PLCL2: variants seen among roughly 807,000 people sequenced by gnomAD.
PLCL2 encodes inactive phospholipase C-like protein 2.
PLCL2 carries 4 observed loss-of-function variants against 79.6 expected under a neutral mutation model. The ratio of observed to expected loss-of-function variants is 0.05; its 90% confidence interval spans 0.02 to 0.11. PLCL2 has a LOEUF of 0.11. PLCL2 is among the 10% of genes least tolerant of loss of function. The pLI, the probability that PLCL2 is intolerant of heterozygous loss-of-function variation, is 1.00. For synonymous variants in PLCL2, 484 were observed against 457.7 expected (o/e 1.06, Z -0.73); for missense variants, 895 against 1,291.0 (o/e 0.69, Z 4.70).
rs184656794 is a variant in PLCL2 at position 16,902,337 on chromosome 3, A to G, written c.327+16971A>G. Reference sequence around the variant, plus strand: ...AGAGTGCATTTACCTTTTTGAAGAGAAATGATCAGTTCTGATAGGGGCTGC... The same window carrying G: ...AGAGTGCATTTACCTTTTTGAAGAGGAATGATCAGTTCTGATAGGGGCTGC... On this transcript the variant is annotated intron_variant, in intron 1 of 5. Coordinates refer to ENST00000615277, the MANE Select transcript of PLCL2 (RefSeq NM_001144382.2). Among the ~76,000 whole-genome samples, 3 of 152,292 alleles carry G rather than the reference A, an allele frequency of 2.0e-5. No homozygotes were observed. In the East Asian group the frequency reaches 5.8e-4, roughly 29 times the overall value.
At chr3:17,045,719 A>C (rs2064773368) in intron 4 of PLCL2, among the ~76,000 whole-genome samples, 1 of 152,198 alleles carries the variant, frequency 6.6e-6, no homozygotes, top group African/African-American at 2.4e-5. Flanking sequence ...CCCAGTGAAG[A>C]GGAAGACATT....
chr3:16,959,555 G>A (rs746366908), intron 1 of PLCL2, among the ~76,000 whole-genome samples: 15 of 151,764 alleles, frequency 9.9e-5, no homozygotes, highest in Middle Eastern at 3.2e-3. Flanking sequence ...CTCTGACTGC[G>A]TGCATCACCT....
At chr3:17,049,240 GAGAATT>G (rs1292333561) in intron 4 of PLCL2, among the ~76,000 whole-genome samples, 2 of 152,150 alleles carry the variant, frequency 1.3e-5, no homozygotes, top group Admixed American at 6.5e-5. Flanking sequence ...TCCAAAGCTA[GAGAATT>G]TAATGCCAGC....
intron 3 of PLCL2, among the ~76,000 whole-genome samples, chr3:17,033,922 A>G (rs2064613672): frequency 6.6e-6 from 1 of 152,054 alleles, no homozygotes; most frequent in Non-Finnish European, 1.5e-5. Context: ...CCCCTAACCC[A>G]CTTTCCTTAT....
At chr3:17,025,284 T>C (rs944050957) in intron 3 of PLCL2, among the ~76,000 whole-genome samples, 1 of 152,214 alleles carries the variant, frequency 6.6e-6, no homozygotes, top group Non-Finnish European at 1.5e-5. Context: ...TTCAATCTAT[T>C]GCCACCCATT....
chr3:16,989,645 T>C (rs539862766), intron 1 of PLCL2, among the ~76,000 whole-genome samples: 2 of 151,716 alleles, frequency 1.3e-5, no homozygotes, highest in South Asian at 4.1e-4. Context: ...CGCTCATACA[T>C]TTTTGGACAC....
intron 1 of PLCL2, among the ~76,000 whole-genome samples, chr3:16,940,343 A>G (rs1048740212): frequency 7.9e-5 from 12 of 152,344 alleles, no homozygotes; most frequent in Non-Finnish European, 1.5e-4. Flanking sequence ...AATCAAAAAA[A>G]GTTCAACTCT....
At chr3:16,999,695 A>T (rs73816269) in intron 1 of PLCL2, among the ~76,000 whole-genome samples, 1 of 152,222 alleles carries the variant, frequency 6.6e-6, no homozygotes. Context: ...GAAAGTTGAT[A>T]AACTATTGAA....
chr3:17,036,023 C>T (rs2064648896), intron 3 of PLCL2, among the ~76,000 whole-genome samples: 1 of 152,132 alleles, frequency 6.6e-6, no homozygotes, highest in South Asian at 2.1e-4. Flanking sequence ...AATGAAGTTT[C>T]ATAAGAAACC....
rs534872835 is a variant in PLCL2, at chr3:17,046,960, A to C, written c.3094+4011A>C. On this transcript the variant is annotated intron_variant, in intron 4 of 5. Transcript: ENST00000615277. ...GGAGGTTAAAAATAGCAAAATTCTC[A>C]TTCTCCATATGGGGAATTTAATAGG... Among the ~76,000 whole-genome samples, 3 of 152,294 alleles carry C rather than the reference A, an allele frequency of 2.0e-5. No homozygotes were observed. In the East Asian group the frequency reaches 5.8e-4, roughly 29 times the overall value.
chr3:17,069,077 A>G (rs932006561), intron 5 of PLCL2, among the ~76,000 whole-genome samples: 1 of 152,172 alleles, frequency 6.6e-6, no homozygotes, highest in Non-Finnish European at 1.5e-5. Flanking sequence ...AGGCCTACAT[A>G]TTATATTTAT....
intron 1 of PLCL2, among the ~76,000 whole-genome samples, chr3:16,918,385 T>G (rs969324944): frequency 6.6e-6 from 1 of 152,226 alleles, no homozygotes; most frequent in Non-Finnish European, 1.5e-5. Flanking sequence ...AATTTGTGTC[T>G]CAGTGATAAA....
chr3:17,088,457 G>A (rs191680963), intron 5 of PLCL2, among the ~76,000 whole-genome samples: 5 of 152,238 alleles, frequency 3.3e-5, no homozygotes, highest in Non-Finnish European at 7.4e-5. Context: ...CAAGGAGAGT[G>A]AGAAAGAAGA....
intron 1 of PLCL2, among the ~76,000 whole-genome samples, chr3:16,897,718 T>C (rs1202654688): frequency 6.6e-6 from 1 of 152,208 alleles, no homozygotes; most frequent in African/African-American, 2.4e-5. Context: ...GGCTGACATC[T>C]GGGTTGGCAC....
intron 1 of PLCL2, among the ~76,000 whole-genome samples, chr3:16,941,933 C>T (rs1358124177): frequency 1.3e-5 from 2 of 151,716 alleles, no homozygotes; most frequent in South Asian, 2.1e-4. Flanking sequence ...TCATGTTACT[C>T]CATGAATTGT....
intron 1 of PLCL2, among the ~76,000 whole-genome samples, chr3:17,008,165 T>C (rs2064282141): frequency 6.6e-6 from 1 of 151,936 alleles, no homozygotes; most frequent in South Asian, 2.1e-4. Context: ...CTATTAATAT[T>C]AAGGTACAAG....
At chr3:16,955,361 G>A (rs1396436744) in intron 1 of PLCL2, among the ~76,000 whole-genome samples, 1 of 152,048 alleles carries the variant, frequency 6.6e-6, no homozygotes, top group Non-Finnish European at 1.5e-5. Context: ...TATTTCTGAG[G>A]GCTCTGTTCT....
chr3:16,964,204 T>C (rs1338984141), intron 1 of PLCL2, among the ~76,000 whole-genome samples: 1 of 123,822 alleles, frequency 8.1e-6, no homozygotes, highest in African/African-American at 3.0e-5. Flanking sequence ...CCCAGTGTCA[T>C]GTTCCCCTTC....
In PLCL2 at chr3:16,893,887, CA is replaced by C. The variant is rs1696409034; in HGVS notation, c.327+8522del. 2.0e-5 allele frequency among the ~76,000 whole-genome samples: 3 copies of C among 152,170 alleles called. No homozygotes were observed. The South Asian group carries it at 6.2e-4, about 31-fold the overall frequency. ...ACCAAATAATGTAGTGCTAGGTTGA[CA>C]CAAATCCTGTGTCTCTCTCTCAGAG... is the stretch of plus-strand genomic sequence containing the variant. On this transcript the variant is annotated intron_variant, in intron 1 of 5. Transcript: ENST00000615277.
Sources: gnomAD v4.1 joint callset for allele counts (sites outside exome capture counted in the v4.1 genomes callset) on GRCh38, gnomAD v4.1.1 for gene constraint, MANE v1.5 for transcripts, NCBI Gene and HGNC (gene_info 2026-07-23, HGNC 2026-07-21) for gene names.